RALGAPB: variants seen among roughly 807,000 people sequenced by gnomAD.
RALGAPB encodes the protein ral GTPase-activating protein subunit beta.
RALGAPB carries 25 observed loss-of-function variants against 161.1 expected under a neutral mutation model. The ratio of observed to expected loss-of-function variants is 0.16; its 90% confidence interval spans 0.11 to 0.22. The LOEUF (loss-of-function observed/expected upper bound fraction) is 0.22. Ranked by LOEUF, RALGAPB falls within the 10% of genes least tolerant of loss-of-function variation. The probability of loss-of-function intolerance (pLI) is 1.00; values close to 1 mark genes in which losing one functional copy is unlikely to be tolerated. For synonymous variants in RALGAPB, 629 were observed against 626.1 expected (o/e 1.00, Z -0.07); for missense variants, 1,391 against 1,815.2 (o/e 0.77, Z 4.25).
In RALGAPB at chr20:38,499,621, C is replaced by G. The variant is rs147718608; in HGVS notation, c.728C>G (p.Ala243Gly). ...GAGCAGTGGAGCAAGGTCATTTGTG[C>G]ACTCACTTCCAGGTAGGTTATTGTC... ...VVEQWSKVIC[A>G]LTSRLLRFTY... The change falls in exon 5 of 30, where the codon GCA becomes GGA. Residue 243 changes from alanine (A) to glycine (G), a missense_variant. Ala to Gly is a moderately conservative substitution (Grantham distance 60). This residue lies in a region of RALGAPB where 946 missense variants were observed against 1,257.2 expected (regional missense o/e 0.75). Coordinates refer to ENST00000262879, the MANE Select transcript of RALGAPB (RefSeq NM_020336.4). The G allele has an allele frequency of 2.1e-5, 34 of 1,611,710 alleles. No homozygotes were observed. The African/African-American group carries it at 4.5e-4, about 22-fold the overall frequency.
chr20:38,571,597 A>G (rs1001221648), intron 28 of RALGAPB, among the ~76,000 whole-genome samples: 12 of 152,180 alleles, frequency 7.9e-5, no homozygotes, highest in African/African-American at 2.4e-4. Flanking sequence ...TTCCTTGTCT[A>G]TTCGTCCATT....
At chr20:38,574,588 C>G (rs1041008830) in intron 29 of RALGAPB, among the ~76,000 whole-genome samples, 186 bp from the exon 30 acceptor site, 1 of 152,026 alleles carries the variant, frequency 6.6e-6, no homozygotes, top group Non-Finnish European at 1.5e-5. Flanking sequence ...TCTCCTTTTC[C>G]TTGTCATTGT....
chr20:38,512,765 T>G (rs1015026211), intron 6 of RALGAPB, among the ~76,000 whole-genome samples: 2 of 152,162 alleles, frequency 1.3e-5, no homozygotes, highest in African/African-American at 4.8e-5. Flanking sequence ...TTATTTTTAT[T>G]TATTTATTTT....
intron 28 of RALGAPB, among the ~76,000 whole-genome samples, chr20:38,572,342 G>T (rs2088271404): frequency 1.3e-5 from 2 of 152,100 alleles, no homozygotes; most frequent in Admixed American, 1.3e-4. Context: ...CTTGTTTTTG[G>T]TTTATAACTC....
intron 6 of RALGAPB, among the ~76,000 whole-genome samples, chr20:38,515,697 A>G (rs1013484764): frequency 1.3e-5 from 2 of 152,140 alleles, no homozygotes; most frequent in South Asian, 2.1e-4. Flanking sequence ...TGACATATTT[A>G]TAGCTTTACC....
chr20:38,524,858 C>T lies in RALGAPB; in HGVS notation c.1700C>T (p.Ser567Phe), dbSNP rs1467284404. ...HPVLASVILNSPPLFCCDLKG... is the reference protein window; with the variant it reads ...HPVLASVILNFPPLFCCDLKG... ...GTCTTGGCCAGCGTTATTCTAAACTCTCCTCCTTTGTTCTGCTGTGACTTG... is the reference window on the plus strand; with the variant it reads ...GTCTTGGCCAGCGTTATTCTAAACTTTCCTCCTTTGTTCTGCTGTGACTTG... The change falls in exon 11 of 30, where the codon TCT (serine) becomes TTT (phenylalanine). Residue 567 changes from serine to phenylalanine, a missense_variant. This residue lies in a region of RALGAPB where 946 missense variants were observed against 1,257.2 expected (regional missense o/e 0.75). Transcript: ENST00000262879. 1 of 1,605,934 alleles carries T rather than the reference C, an allele frequency of 6.2e-7. No individual in the cohort carries two copies. The highest frequency in any genetic ancestry group is 8.5e-7 in the Non-Finnish European group (1 of 1,172,634).
chr20:38,529,283 C>T (rs976106210), intron 13 of RALGAPB, among the ~76,000 whole-genome samples: 3 of 152,030 alleles, frequency 2.0e-5, no homozygotes, highest in African/African-American at 7.2e-5. Context: ...GTTGTAATCC[C>T]AGCATTTTGG....
Position 38,532,758 on chromosome 20 carries a change from A to T in RALGAPB, c.2144A>T (p.His715Leu). 6.2e-7 allele frequency: 1 copy of T among 1,614,028 alleles called. No individual in the cohort carries two copies. The highest frequency in any genetic ancestry group is 8.5e-7 in the Non-Finnish European group (1 of 1,179,872). Residue 715 changes from histidine to leucine, a missense_variant, in exon 15 of 30, where the codon CAT becomes CTT. Around this residue, in one of 3 missense-constraint regions of RALGAPB, gnomAD observed 946 missense variants for 1,257.2 expected, o/e 0.75. Coordinates refer to ENST00000262879, the MANE Select transcript of RALGAPB (RefSeq NM_020336.4). The part of the protein sequence containing the change: ...MGGGENNLKS[H>L]SRTNSGISSA... The stretch of plus-strand genomic sequence containing the variant: ...GGTGGAGAAAATAACCTGAAGAGTC[A>T]TAGTCGCACCAATAGTGGTATTAGT...
intron 20 of RALGAPB, among the ~76,000 whole-genome samples, chr20:38,549,415 G>T (rs2087284088): frequency 6.6e-6 from 1 of 151,424 alleles, no homozygotes; most frequent in Non-Finnish European, 1.5e-5. Flanking sequence ...TTTTTGTAGA[G>T]ATAGGGTCTT....
At chr20:38,503,599 T>G (rs1055054663) in intron 5 of RALGAPB, among the ~76,000 whole-genome samples, 35 of 152,212 alleles carry the variant, frequency 2.3e-4, no homozygotes, top group African/African-American at 8.4e-4. Flanking sequence ...TGGAATCTAC[T>G]CCTGGTATAG....
intron 20 of RALGAPB, among the ~76,000 whole-genome samples, chr20:38,549,907 A>G (rs1165642927): frequency 7.2e-5 from 11 of 152,210 alleles, no homozygotes; most frequent in African/African-American, 2.4e-5. Context: ...ATGTCCAACA[A>G]TGATAGACTG....
intron 1 of RALGAPB, among the ~76,000 whole-genome samples, chr20:38,476,252 G>T (rs1337903713): frequency 2.6e-5 from 4 of 152,232 alleles, no homozygotes; most frequent in African/African-American, 9.7e-5. Flanking sequence ...TGTTTAATAC[G>T]AGGTACTCAT....
chr20:38,568,973 T>C (rs980473813), intron 26 of RALGAPB: 4 of 152,152 alleles, frequency 2.6e-5, no homozygotes, highest in African/African-American at 9.7e-5. Context: ...GAGTCAAAGC[T>C]AAATAGGGAC....
intron 6 of RALGAPB, among the ~76,000 whole-genome samples, chr20:38,512,969 C>G (rs2086007981): frequency 6.6e-6 from 1 of 151,666 alleles, no homozygotes; most frequent in Admixed American, 6.6e-5. Context: ...ACCATGTTAG[C>G]CAGGATGGTC....
At chr20:38,560,437 A>G (rs1249204089) in intron 23 of RALGAPB, among the ~76,000 whole-genome samples, 1 of 152,220 alleles carries the variant, frequency 6.6e-6, no homozygotes, top group Non-Finnish European at 1.5e-5. Context: ...AATAACGTGT[A>G]AATTCTTCAG....
chr20:38,476,902 C>T (rs182630380), intron 1 of RALGAPB, among the ~76,000 whole-genome samples: 84 of 152,172 alleles, frequency 5.5e-4, no homozygotes, highest in Admixed American at 1.0e-3. Context: ...TTTTACTGAA[C>T]GCATATCACT....
Position 38,561,257 on chromosome 20 carries a change from G to A in RALGAPB, c.3532-1275G>A, listed in dbSNP as rs538025067. Among the ~76,000 whole-genome samples the A allele has an allele frequency of 6.6e-5, 10 of 152,346 alleles. No individual in the cohort carries two copies. The South Asian group carries it at 2.1e-3, about 32-fold the overall frequency. On this transcript the variant is annotated intron_variant, in intron 23 of 29. Coordinates refer to ENST00000262879, the MANE Select transcript of RALGAPB (RefSeq NM_020336.4). ...GAGAATGGCGTGAACCCGGGAGGTG[G>A]AGCTTGCAGTGAGCAGAGATTGCGC...
At chr20:38,532,617 G>A (rs979235154) in intron 14 of RALGAPB, 113 bp from the exon 15 acceptor site, 1 of 1,276,492 alleles carries the variant, frequency 7.8e-7, no homozygotes, top group African/African-American at 1.5e-5. Context: ...CTATCAGTTT[G>A]TACTATTCAG....
chr20:38,485,606 T>C (rs532443863), intron 1 of RALGAPB, among the ~76,000 whole-genome samples: 295 of 152,272 alleles, frequency 1.9e-3, no homozygotes, highest in South Asian at 3.3e-3. Flanking sequence ...TTTGTACTTT[T>C]AGTAGAGACG....
Sources: gnomAD v4.1 joint callset for allele counts (sites outside exome capture counted in the v4.1 genomes callset) on GRCh38, gnomAD v4.1.1 for gene constraint, gnomAD v4.1.1 regional missense constraint, MANE v1.5 for transcripts, NCBI Gene and HGNC (gene_info 2026-07-23, HGNC 2026-07-21) for gene names.